Variants in GMDS observed in about 807,000 individuals in gnomAD.
GMDS encodes the protein GDP-mannose 4,6-dehydratase, also known as GDP-mannose 4,6 dehydratase.
Under a neutral mutation model 49.9 loss-of-function variants are expected in GMDS, and 20 were observed. The ratio of observed to expected loss-of-function variants is 0.40; its 90% CI spans 0.28 to 0.58. GMDS has a LOEUF of 0.58. Ranked by LOEUF, GMDS falls within the 20% of genes least tolerant of loss-of-function variation. GMDS has a pLI of 0.42. For missense variants in GMDS, 362 were observed against 481.4 expected (o/e 0.75, Z 2.32); for synonymous variants, 177 against 178.6 (o/e 0.99, Z 0.07).
chr6:2,060,580 G>A (rs1771087626), intron 4 of GMDS, among the ~76,000 whole-genome samples: 1 of 152,130 alleles, frequency 6.6e-6, no homozygotes, highest in African/African-American at 2.4e-5. Context: ...TTATACTTTA[G>A]TGTGGGAAGA....
intron 1 of GMDS, among the ~76,000 whole-genome samples, chr6:2,169,720 T>C (rs751960796): frequency 2.8e-4 from 42 of 151,952 alleles, no homozygotes; most frequent in African/African-American, 3.9e-4. Context: ...TTTGATTTCA[T>C]AAAATATTTG....
chr6:2,000,010 T>A (rs57373105), intron 4 of GMDS, among the ~76,000 whole-genome samples: 798 of 6,542 alleles, frequency 0.12, 161 homozygotes, highest in Non-Finnish European at 0.17. Context: ...ATATATATAT[T>A]TTTTATATAT....
intron 6 of GMDS, among the ~76,000 whole-genome samples, chr6:1,954,898 C>A (rs570973625): frequency 7.2e-4 from 109 of 152,118 alleles, no homozygotes; most frequent in Non-Finnish European, 1.4e-3. Context: ...CCAGAACACA[C>A]ACAATATTTA....
intron 4 of GMDS, among the ~76,000 whole-genome samples, chr6:1,983,909 A>G (rs1303682613): frequency 6.6e-6 from 1 of 152,240 alleles, no homozygotes; most frequent in Non-Finnish European, 1.5e-5. Context: ...TATTATGAAG[A>G]TACATGCATG....
In GMDS at chr6:1,988,321, G is replaced by A. The variant is rs140337563; in HGVS notation, c.346-27355C>T. ...GTGGCTTAACTTCATATAAGCCTACGTGATTCAGGCTGAAGCTAAATAAAT... is the reference window on the plus strand; with the variant it reads ...GTGGCTTAACTTCATATAAGCCTACATGATTCAGGCTGAAGCTAAATAAAT... On this transcript the variant is annotated intron_variant, in intron 4 of 10. Coordinates refer to ENST00000380815, the MANE Select transcript of GMDS (RefSeq NM_001500.4). 2.0e-3 allele frequency among the ~76,000 whole-genome samples: 301 copies of A among 150,500 alleles called. 1 individual carries two copies. Among genetic ancestry groups the A allele is most frequent in the South Asian group, 2.8e-3 (13 of 4,700 alleles).
At chr6:1,933,993 G>A (rs1196530481) in intron 6 of GMDS, among the ~76,000 whole-genome samples, 4 of 152,066 alleles carry the variant, frequency 2.6e-5, no homozygotes, top group Admixed American at 2.6e-4. Flanking sequence ...ATATTTTTAT[G>A]AGTTTTATAG....
rs571599563 is a variant in GMDS at position 1,793,598 on chromosome 6, G to A, written c.772-51012C>T. On this transcript the variant is annotated intron_variant, in intron 7 of 10. Coordinates refer to ENST00000380815, the MANE Select transcript of GMDS (RefSeq NM_001500.4). ...CCGCAGGTGGAGACTGGAGTACCTT[G>A]TGTACAGAGGTGATACATATAGTTT... Among the ~76,000 whole-genome samples the A allele has an allele frequency of 9.8e-4, 150 of 152,298 alleles. 1 individual carries two copies. The highest frequency in any genetic ancestry group is 3.5e-3 in the African/African-American group (146 of 41,572).
At chr6:2,110,164 A>G (rs565179833) in intron 4 of GMDS, among the ~76,000 whole-genome samples, 1 of 152,112 alleles carries the variant, frequency 6.6e-6, no homozygotes, top group South Asian at 2.1e-4. Flanking sequence ...CAGATGTTCA[A>G]CTATAGACTC....
At chr6:2,217,549 C>A (rs552681479) in intron 1 of GMDS, among the ~76,000 whole-genome samples, 1 of 152,242 alleles carries the variant, frequency 6.6e-6, no homozygotes, top group African/African-American at 2.4e-5. Context: ...AGGAGAAACA[C>A]CTCCCAACTC....
At chr6:2,030,506 C>T (rs1768887310) in intron 4 of GMDS, among the ~76,000 whole-genome samples, 1 of 152,174 alleles carries the variant, frequency 6.6e-6, no homozygotes, top group Non-Finnish European at 1.5e-5. Flanking sequence ...ATATAAAACC[C>T]TTTCTTATTT....
At chr6:1,922,695 A>G (rs1761778521) in intron 7 of GMDS, among the ~76,000 whole-genome samples, 1 of 152,142 alleles carries the variant, frequency 6.6e-6, no homozygotes, top group African/African-American at 2.4e-5. Flanking sequence ...GAGAGGGAAA[A>G]CTTGACTTCA....
intron 9 of GMDS, among the ~76,000 whole-genome samples, chr6:1,696,968 T>C (rs1765366241): frequency 6.6e-6 from 1 of 152,190 alleles, no homozygotes; most frequent in Admixed American, 6.5e-5. Context: ...TTTTGAAAGA[T>C]GGAAATGATG....
At chr6:2,084,200 A>G (rs1772875702) in intron 4 of GMDS, among the ~76,000 whole-genome samples, 1 of 152,206 alleles carries the variant, frequency 6.6e-6, no homozygotes, top group Non-Finnish European at 1.5e-5. Context: ...GATACTCTTC[A>G]TATCAATTTA....
chr6:1,863,914 A>G (rs1278022435), intron 7 of GMDS, among the ~76,000 whole-genome samples: 1 of 152,166 alleles, frequency 6.6e-6, no homozygotes, highest in Non-Finnish European at 1.5e-5. Flanking sequence ...TATATTTTCT[A>G]ATGTGTCATT....
In GMDS at chr6:2,182,752, C is replaced by A. The variant is rs186005655; in HGVS notation, c.103-58021G>T. Among the ~76,000 whole-genome samples the A allele has an allele frequency of 2.1e-3, 324 of 152,280 alleles. 2 individuals are homozygous for A. Among genetic ancestry groups the A allele is most frequent in the African/African-American group, 7.6e-3 (314 of 41,554 alleles). ...ACAGAGTATCACTGTGTTGCCCAGG[C>A]CAGAGTACAGTGGTGCAATCTAAAC... On this transcript the variant is annotated intron_variant, in intron 1 of 10. Transcript: ENST00000380815.
At chr6:1,918,184 C>T (rs1233917497) in intron 7 of GMDS, among the ~76,000 whole-genome samples, 3 of 151,908 alleles carry the variant, frequency 2.0e-5, no homozygotes, top group Non-Finnish European at 1.5e-5. Flanking sequence ...TGACGGTTTT[C>T]CATAATAATA....
intron 4 of GMDS, among the ~76,000 whole-genome samples, chr6:2,062,374 G>A (rs1258911912): frequency 6.6e-6 from 1 of 152,174 alleles, no homozygotes; most frequent in Non-Finnish European, 1.5e-5. Flanking sequence ...GACTGCATAA[G>A]GGATCGTTCT....
At chr6:1,641,210 G>A (rs1763320774) in intron 9 of GMDS, among the ~76,000 whole-genome samples, 1 of 152,182 alleles carries the variant, frequency 6.6e-6, no homozygotes, top group Non-Finnish European at 1.5e-5. Context: ...AGGGGCTTCT[G>A]GGGCTCAGTG....
chr6:1,749,060 A>AGCTTTAATTCAGGCTTCTCTG (rs1448141507), intron 7 of GMDS, among the ~76,000 whole-genome samples: 1 of 152,204 alleles, frequency 6.6e-6, no homozygotes, highest in Non-Finnish European at 1.5e-5. Context: ...GACAGCCTGC[A>AGCTTTAATTCAGGCTTCTCTG]GCTTTAATTC....
Sources: gnomAD v4.1 joint callset for allele counts (sites outside exome capture counted in the v4.1 genomes callset) on GRCh38, gnomAD v4.1.1 for gene constraint, MANE v1.5 for transcripts, NCBI Gene and HGNC (gene_info 2026-07-23, HGNC 2026-07-21) for gene names.